Variants in PRKG1 observed in about 807,000 individuals in gnomAD.
The protein encoded by PRKG1 is protein kinase cGMP-dependent 1, also known as cGMP-dependent protein kinase 1.
A neutral mutation model predicts 88.1 loss-of-function variants in PRKG1; 35 were observed. The ratio of observed to expected loss-of-function variants is 0.40; its 90% CI spans 0.30 to 0.53. The LOEUF is 0.53. Among genes scored for constraint, PRKG1 ranks in the 20% least tolerant of loss-of-function variants. PRKG1 has a pLI of 0.59. For missense variants in PRKG1, 540 were observed against 839.8 expected, an observed-to-expected ratio of 0.64 and a Z score of 4.41; for synonymous variants, 303 against 292.5, an observed-to-expected ratio of 1.04 and a Z score of -0.37.
intron 7 of PRKG1, among the ~76,000 whole-genome samples, chr10:52,131,816 C>CAAAAAAAAAA (rs71459439): frequency 2.3e-5 from 1 of 44,082 alleles, no homozygotes; most frequent in East Asian, 5.6e-4. Context: ...GAAACTCCAT[C>CAAAAAAAAAA]AAAAAAAAAA....
chr10:51,197,839 T>C (rs911887790), intron 2 of PRKG1, among the ~76,000 whole-genome samples: 1 of 151,120 alleles, frequency 6.6e-6, no homozygotes, highest in African/African-American at 2.4e-5. Flanking sequence ...TTGTGGTTTC[T>C]GCCATTAAAA....
chr10:52,120,589 G>A (rs1421276735), intron 7 of PRKG1, among the ~76,000 whole-genome samples: 3 of 152,160 alleles, frequency 2.0e-5, no homozygotes, highest in Non-Finnish European at 4.4e-5. Flanking sequence ...GAAGAAAGGG[G>A]TAACTGATCC....
chr10:51,911,725 A>G (rs1294925943), intron 5 of PRKG1, among the ~76,000 whole-genome samples: 1 of 152,236 alleles, frequency 6.6e-6, no homozygotes, highest in African/African-American at 2.4e-5. Context: ...TATATCAGAT[A>G]AAGTGAAGCA....
chr10:51,220,549 A>T (rs908760748), intron 2 of PRKG1, among the ~76,000 whole-genome samples: 1 of 152,206 alleles, frequency 6.6e-6, no homozygotes, highest in Admixed American at 6.5e-5. Context: ...ATAGTATAGG[A>T]CACCAGTATT....
intron 4 of PRKG1, among the ~76,000 whole-genome samples, chr10:51,874,099 A>G (rs1841230480): frequency 6.6e-6 from 1 of 152,156 alleles, no homozygotes; most frequent in South Asian, 2.1e-4. Context: ...AGCAACCTCA[A>G]ATGGCAGGCA....
chr10:51,480,215 A>G (rs532895080), intron 3 of PRKG1, among the ~76,000 whole-genome samples: 1 of 152,270 alleles, frequency 6.6e-6, no homozygotes, highest in African/African-American at 2.4e-5. Context: ...GTGTTAGTCC[A>G]TGTGGTAAGC....
At chr10:52,022,721 T>C (rs1479408187) in intron 5 of PRKG1, among the ~76,000 whole-genome samples, 1 of 152,154 alleles carries the variant, frequency 6.6e-6, no homozygotes, top group East Asian at 1.9e-4. Context: ...TCCAAAATGT[T>C]GGCAGTGGAC....
chr10:52,038,500 C>T (rs1321695855), intron 5 of PRKG1, among the ~76,000 whole-genome samples: 13 of 151,716 alleles, frequency 8.6e-5, no homozygotes, highest in African/African-American at 2.2e-4. Flanking sequence ...CACAGAGATA[C>T]GAGGTTGGGG....
intron 3 of PRKG1, among the ~76,000 whole-genome samples, chr10:51,549,166 C>A: frequency 8.8e-6 from 1 of 113,458 alleles, no homozygotes; most frequent in Non-Finnish European, 1.8e-5. Context: ...CTCTGTCACC[C>A]AGGCTGGAAT....
chr10:51,499,906 C>G (rs780469925), intron 3 of PRKG1, among the ~76,000 whole-genome samples: 2 of 152,096 alleles, frequency 1.3e-5, no homozygotes, highest in Non-Finnish European at 2.9e-5. Context: ...CTGCAGTGAG[C>G]CAGGATCATG....
intron 2 of PRKG1, among the ~76,000 whole-genome samples, chr10:51,235,905 G>A (rs1445498344): frequency 1.3e-5 from 2 of 152,094 alleles, no homozygotes; most frequent in African/African-American, 2.4e-5. Flanking sequence ...AGAGAAATTT[G>A]CAAGATTTCT....
intron 3 of PRKG1, among the ~76,000 whole-genome samples, chr10:51,638,469 T>A (rs138333161): frequency 6.6e-6 from 1 of 152,244 alleles, no homozygotes; most frequent in South Asian, 2.1e-4. Flanking sequence ...ATATTTGATA[T>A]GCAGTTGAAT....
chr10:51,791,446 C>G (rs1328311351), intron 3 of PRKG1, among the ~76,000 whole-genome samples: 1 of 152,084 alleles, frequency 6.6e-6, no homozygotes, highest in Non-Finnish European at 1.5e-5. Context: ...CCATCAAATA[C>G]TTTAGGTCTT....
intron 5 of PRKG1, among the ~76,000 whole-genome samples, chr10:51,971,129 T>C (rs147349564): frequency 4.0e-4 from 61 of 152,038 alleles, no homozygotes; most frequent in Middle Eastern, 3.4e-3. Context: ...AATGAATCCA[T>C]AGCATTAGAT....
At chr10:51,327,139 G>C (rs1350368790) in intron 2 of PRKG1, among the ~76,000 whole-genome samples, 1 of 152,120 alleles carries the variant, frequency 6.6e-6, no homozygotes, top group Non-Finnish European at 1.5e-5. Context: ...ATAAGGCTGG[G>C]CATGGTGGCT....
chr10:52,145,178 TATA>T (rs1337025935), intron 8 of PRKG1, among the ~76,000 whole-genome samples: 4 of 152,228 alleles, frequency 2.6e-5, no homozygotes, highest in East Asian at 1.9e-4. Context: ...ATTTTAAAAA[TATA>T]ATAATCACAG....
intron 4 of PRKG1, among the ~76,000 whole-genome samples, chr10:51,869,826 G>A (rs1336893628): frequency 6.6e-6 from 1 of 152,216 alleles, no homozygotes; most frequent in South Asian, 2.1e-4. Context: ...TTTACAGACT[G>A]TTAACTAGAA....
intron 4 of PRKG1, among the ~76,000 whole-genome samples, chr10:51,836,591 T>G (rs1159301957): frequency 1.3e-5 from 2 of 152,204 alleles, no homozygotes; most frequent in African/African-American, 2.4e-5. Flanking sequence ...TATTTTTGCA[T>G]AAGGAGTGAG....
chr10:51,197,971 G>C (rs1489111444), intron 2 of PRKG1, among the ~76,000 whole-genome samples: 1 of 151,886 alleles, frequency 6.6e-6, no homozygotes, highest in Non-Finnish European at 1.5e-5. Flanking sequence ...CTGCTTTAAG[G>C]AATCCTCTCA....
Sources: allele counts gnomAD v4.1 joint callset (sites outside exome capture counted in the v4.1 genomes callset), GRCh38; gene constraint gnomAD v4.1.1; transcripts MANE v1.5; gene names NCBI Gene and HGNC (gene_info 2026-07-23, HGNC 2026-07-21).